Variants in KCNQ1 observed in about 807,000 individuals in gnomAD.
The protein encoded by KCNQ1 is potassium voltage-gated channel subfamily Q member 1, also known as potassium voltage-gated channel subfamily KQT member 1.
A neutral mutation model predicts 72.4 loss-of-function variants in KCNQ1; 49 were observed. The observed-to-expected ratio is 0.68, with a 90% CI of 0.54 to 0.86. The LOEUF (loss-of-function observed/expected upper bound fraction) is 0.86, where lower values mean the gene tolerates loss of function less well. KCNQ1 is among the 40% of genes least tolerant of loss of function. The probability of loss-of-function intolerance (pLI) is 0.00; values close to 1 mark genes in which losing one functional copy is unlikely to be tolerated. For synonymous variants in KCNQ1, 450 were observed against 412.6 expected, an observed-to-expected ratio of 1.09 and a Z score of -1.10; for missense variants, 790 against 945.1, an observed-to-expected ratio of 0.84 and a Z score of 2.15.
At chr11:2,774,930 C>G (rs1444255136) in intron 12 of KCNQ1, among the ~76,000 whole-genome samples, 1 of 152,198 alleles carries the variant, frequency 6.6e-6, no homozygotes, top group East Asian at 1.9e-4. Context: ...CTGGCCCTGC[C>G]CCACCCCTCC....
chr11:2,636,538 C>A (rs1433522262), intron 10 of KCNQ1: 1 of 152,184 alleles, frequency 6.6e-6, no homozygotes, highest in African/African-American at 2.4e-5. Context: ...ATGAAGCCCA[C>A]TTGATCATGG....
At chr11:2,802,429 G>A (rs1481095139) in intron 15 of KCNQ1, among the ~76,000 whole-genome samples, 1 of 152,176 alleles carries the variant, frequency 6.6e-6, no homozygotes, top group African/African-American at 2.4e-5. Flanking sequence ...TGCCATCCTC[G>A]GGCGCAGGCA....
At chr11:2,490,670 C>A (rs1253248639) in intron 1 of KCNQ1, among the ~76,000 whole-genome samples, 1 of 152,194 alleles carries the variant, frequency 6.6e-6, no homozygotes, top group East Asian at 1.9e-4. Flanking sequence ...TTATCTAAGA[C>A]CACCAAGGCA....
At chr11:2,454,021 C>G (rs1439545228) in intron 1 of KCNQ1, among the ~76,000 whole-genome samples, 1 of 152,260 alleles carries the variant, frequency 6.6e-6, no homozygotes, top group East Asian at 1.9e-4. Context: ...CCTCCCACCT[C>G]AGCCTCCCAA....
chr11:2,661,814 C>A lies in KCNQ1; in HGVS notation c.1394-147C>A. 3.1e-6 allele frequency: 3 copies of A among 973,208 alleles called. No homozygotes were observed. The highest frequency in any genetic ancestry group is 3.2e-6 in the Non-Finnish European group (2 of 627,974). 60.3% of individuals were successfully genotyped at this position (973,208 alleles called of 1,614,324 possible). On this transcript the variant is annotated intron_variant, in intron 10 of 15. Coordinates refer to ENST00000155840, the MANE Select transcript of KCNQ1 (RefSeq NM_000218.3). This position sits in a 1 kb window ranked among gnomAD's most constrained non-coding sequence, Gnocchi z 5.9. ...TCTTAAACACCCACCCACCCCAACA[C>A]CCAACTATAAAACTGATTGTCAGGG...
At position 2,627,104 on chromosome 11, in the gene KCNQ1, T is replaced by G; in HGVS notation, c.1394-34857T>G. ...CTACTTTAATTTCTTTCAGCATTGTTTTGTAATTTTCATTGTACAAGACTT... is the reference window on the plus strand; with the variant it reads ...CTACTTTAATTTCTTTCAGCATTGTGTTGTAATTTTCATTGTACAAGACTT... On this transcript the variant is annotated intron_variant, in intron 10 of 15. Coordinates refer to ENST00000155840, the MANE Select transcript of KCNQ1 (RefSeq NM_000218.3). This position sits in a 1 kb window ranked among gnomAD's most constrained non-coding sequence, Gnocchi z 4.9. The G allele has an allele frequency of 2.5e-6, 1 of 398,584 alleles. No homozygotes were observed. Among genetic ancestry groups the G allele is most frequent in the Non-Finnish European group, 4.4e-6 (1 of 226,050 alleles). The allele number at this position is 398,584 out of a possible 1,614,324, so 24.7% of individuals were successfully genotyped here.
chr11:2,769,329 C>A lies in KCNQ1; in HGVS notation c.1590+410C>A, dbSNP rs1298117008. Among the ~76,000 whole-genome samples, 1 of 152,134 alleles carries A rather than the reference C, an allele frequency of 6.6e-6. No individual in the cohort carries two copies. Among genetic ancestry groups the A allele is most frequent in the African/African-American group, 2.4e-5 (1 of 41,422 alleles). The stretch of plus-strand genomic sequence containing the variant: ...AGCTGGGAAGGCAGGTCCCCCAGAC[C>A]CCCCAGCCCTGTCCTCCACTGGCTC... On this transcript the variant is annotated intron_variant, in intron 12 of 15. Coordinates refer to ENST00000155840, the MANE Select transcript of KCNQ1 (RefSeq NM_000218.3). The surrounding 1 kb of genome is among the most constrained non-coding windows in gnomAD (Gnocchi z 4.6).
chr11:2,643,429 G>GT (rs1849610359), intron 10 of KCNQ1: 4 of 398,194 alleles, frequency 1.0e-5, no homozygotes, highest in Non-Finnish European at 1.8e-5. Context: ...TCTTTTTAGT[G>GT]TTTTTAGCTT....
intron 10 of KCNQ1, chr11:2,649,754 T>G (rs920390686): frequency 1.0e-5 from 4 of 398,500 alleles, no homozygotes; most frequent in African/African-American, 2.1e-5. Flanking sequence ...GACAGTTTGA[T>G]GAAAATGTGC....
chr11:2,509,991 C>T lies in KCNQ1; in HGVS notation c.387-17937C>T, dbSNP rs778736209. On this transcript the variant is annotated intron_variant, in intron 1 of 15. Coordinates refer to ENST00000155840, the MANE Select transcript of KCNQ1 (RefSeq NM_000218.3). This position sits in a 1 kb window ranked among gnomAD's most constrained non-coding sequence, Gnocchi z 6.3. ...CTGGTGTTTAAAGGCTAATTGGGAT[C>T]GGTCGTGGTGCCTCAGGCCTGTCAA... Among the ~76,000 whole-genome samples the T allele has an allele frequency of 1.3e-4, 20 of 152,026 alleles. No individual in the cohort carries two copies. Among genetic ancestry groups the T allele is most frequent in the Non-Finnish European group, 2.8e-4 (19 of 68,008 alleles).
rs1260800434 is a variant in KCNQ1 at position 2,450,741 on chromosome 11, A to G, written c.386+5257A>G. 6.6e-6 allele frequency among the ~76,000 whole-genome samples: 1 copy of G among 152,278 alleles called. No homozygotes were observed. Among genetic ancestry groups the G allele is most frequent in the East Asian group, 1.9e-4 (1 of 5,184 alleles). On this transcript the variant is annotated intron_variant, in intron 1 of 15. Transcript: ENST00000155840. The surrounding 1 kb of genome is among the most constrained non-coding windows in gnomAD (Gnocchi z 7.9). ...CAGATGCAAAATTATCGTGGTTGACAAAGGGAGGCGGCTGGTGTCTCTGGT... is the reference window on the plus strand; with the variant it reads ...CAGATGCAAAATTATCGTGGTTGACGAAGGGAGGCGGCTGGTGTCTCTGGT...
chr11:2,477,513 G>T lies in KCNQ1; in HGVS notation c.386+32029G>T, dbSNP rs923097038. Among the ~76,000 whole-genome samples, 4 of 152,102 alleles carry T rather than the reference G, an allele frequency of 2.6e-5. No homozygotes were observed. The highest frequency in any genetic ancestry group is 9.7e-5 in the African/African-American group (4 of 41,416). On this transcript the variant is annotated intron_variant, in intron 1 of 15. Coordinates refer to ENST00000155840, the MANE Select transcript of KCNQ1 (RefSeq NM_000218.3). The surrounding 1 kb of genome is among the most constrained non-coding windows in gnomAD (Gnocchi z 5.0). ...CTCTCTGCTGCCTCACTAGCAGAGA[G>T]AAAAGAAAACTACAGACCAGTGATA...
chr11:2,721,473 G>T (rs1260044971), intron 11 of KCNQ1, among the ~76,000 whole-genome samples: 1 of 152,262 alleles, frequency 6.6e-6, no homozygotes, highest in African/African-American at 2.4e-5. Context: ...TCGCAAGAGG[G>T]GCAGGTCCAG....
intron 15 of KCNQ1, among the ~76,000 whole-genome samples, chr11:2,821,292 C>T (rs191808759): frequency 3.3e-5 from 5 of 152,348 alleles, no homozygotes; most frequent in Admixed American, 3.3e-4. Flanking sequence ...AGGAGCACTG[C>T]AAGCGAGAGG....
At chr11:2,697,738 T>A (rs1367051480) in intron 11 of KCNQ1, 1 of 398,522 alleles carries the variant, frequency 2.5e-6, no homozygotes, top group African/African-American at 2.1e-5. Context: ...TAAGAATTGT[T>A]GTTTAATACA....
chr11:2,657,895 T>A lies in KCNQ1; in HGVS notation c.1394-4066T>A, dbSNP rs1015960551. The A allele has an allele frequency of 2.8e-5, 11 of 398,508 alleles. No homozygotes were observed. The highest frequency in any genetic ancestry group is 2.3e-4 in the African/African-American group (11 of 48,634). The allele number at this position is 398,508 out of a possible 1,614,324, so 24.7% of individuals were successfully genotyped here. On this transcript the variant is annotated intron_variant, in intron 10 of 15. Transcript: ENST00000155840. This position sits in a 1 kb window ranked among gnomAD's most constrained non-coding sequence, Gnocchi z 4.8. The stretch of plus-strand genomic sequence containing the variant: ...AGGAGGCCAGTGAGGTGAGATGCTT[T>A]CCTCATTGTGGAACATGACATCAAC...
chr11:2,831,675 C>T (rs1590117281), intron 15 of KCNQ1, among the ~76,000 whole-genome samples: 2 of 147,766 alleles, frequency 1.4e-5, no homozygotes, highest in East Asian at 4.0e-4. Flanking sequence ...CCCACCACTG[C>T]TCCCCTCCTT....
intron 11 of KCNQ1, among the ~76,000 whole-genome samples, chr11:2,754,253 A>G (rs539182722): frequency 9.7e-4 from 147 of 152,314 alleles, no homozygotes; most frequent in African/African-American, 3.4e-3. Context: ...TGCCCATTGC[A>G]TGTCTGTGTG....
intron 10 of KCNQ1, chr11:2,635,427 A>C (rs1277083720): frequency 6.6e-6 from 1 of 152,212 alleles, no homozygotes; most frequent in African/African-American, 2.4e-5. Context: ...AGCACCATTT[A>C]TTAAATAGGG....
Sources: gnomAD v4.1 joint callset for allele counts (sites outside exome capture counted in the v4.1 genomes callset) on GRCh38, gnomAD v4.1.1 for gene constraint, Gnocchi (gnomAD v3.1) non-coding constraint, MANE v1.5 for transcripts, NCBI Gene and HGNC (gene_info 2026-07-23, HGNC 2026-07-21) for gene names.